The following COG6 variants were observed in gnomAD, a reference collection of about 807,000 sequenced individuals.
COG6 encodes the protein component of oligomeric golgi complex 6.
COG6 carries 74 observed loss-of-function variants against 88.8 expected under a neutral mutation model. That is an observed-to-expected ratio of 0.83 (90% CI 0.69 to 1.01). COG6 has a LOEUF of 1.01. Ranked by LOEUF, COG6 falls within the 50% of genes least tolerant of loss-of-function variation. The probability of loss-of-function intolerance (pLI) is 0.00; values close to 1 mark genes in which losing one functional copy is unlikely to be tolerated. For synonymous variants in COG6, 286 were observed against 278.7 expected, an observed-to-expected ratio of 1.03 and a Z score of -0.26; for missense variants, 800 against 797.9, an observed-to-expected ratio of 1.00 and a Z score of -0.03.
chr13:39,719,836 T>G lies in COG6; in HGVS notation c.1584+9T>G. 6.3e-7 allele frequency: 1 copy of G among 1,599,178 alleles called. No individual in the cohort carries two copies. The highest frequency in any genetic ancestry group is 8.6e-7 in the Non-Finnish European group (1 of 1,167,920). On this transcript the variant is annotated intron_variant, in intron 15 of 18. Transcript: ENST00000455146. ...AAATGCTACAGTTTCAGGTAAATTT[T>G]TCTATAAAATGACTATTGACTATGA...
chr13:39,660,547 A>T (rs1265023939), intron 2 of COG6, among the ~76,000 whole-genome samples: 5 of 152,192 alleles, frequency 3.3e-5, no homozygotes, highest in Non-Finnish European at 7.4e-5. Flanking sequence ...AACACTAGCA[A>T]TAAAGGGATA....
intron 18 of COG6, among the ~76,000 whole-genome samples, chr13:39,778,143 A>T (rs913870022): frequency 6.6e-6 from 1 of 152,258 alleles, no homozygotes; most frequent in Non-Finnish European, 1.5e-5. Flanking sequence ...TTTATAAAAA[A>T]TAGTTAATAC....
intron 11 of COG6, 95 bp downstream of exon 11, chr13:39,689,919 A>G: frequency 1.3e-6 from 1 of 761,062 alleles, no homozygotes; most frequent in Non-Finnish European, 2.2e-6. Context: ...GCTCAAATAC[A>G]ATCTATAATT....
intron 17 of COG6, among the ~76,000 whole-genome samples, chr13:39,725,402 A>G (rs1879079635): frequency 6.6e-6 from 1 of 151,930 alleles, no homozygotes; most frequent in South Asian, 2.1e-4. Flanking sequence ...ACTCACGTAT[A>G]CTCACTACCA....
intron 18 of COG6, among the ~76,000 whole-genome samples, chr13:39,742,748 G>C (rs1880117582): frequency 6.6e-6 from 1 of 152,168 alleles, no homozygotes; most frequent in Non-Finnish European, 1.5e-5. Context: ...TCTACAGCAA[G>C]CAGACCTAAT....
At chr13:39,678,587 A>C (rs74625912) in intron 5 of COG6, among the ~76,000 whole-genome samples, 9,408 of 152,126 alleles carry the variant, frequency 0.062, 386 homozygotes, top group Non-Finnish European at 0.095. Flanking sequence ...TTTTCCTTGA[A>C]GACATTCAAT....
At chr13:39,678,364 G>C (rs1876102521) in intron 5 of COG6, among the ~76,000 whole-genome samples, 1 of 152,132 alleles carries the variant, frequency 6.6e-6, no homozygotes, top group African/African-American at 2.4e-5. Context: ...CTGAGCCATA[G>C]TACCTACCCA....
At chr13:39,694,985 A>ACACT (rs1225271742) in intron 12 of COG6, among the ~76,000 whole-genome samples, 2 of 149,304 alleles carry the variant, frequency 1.3e-5, no homozygotes, top group Non-Finnish European at 3.0e-5. Context: ...ACACACACAC[A>ACACT]CACACCCCTT....
chr13:39,666,407 A>G (rs1401178681), intron 4 of COG6, among the ~76,000 whole-genome samples: 1 of 152,188 alleles, frequency 6.6e-6, no homozygotes, highest in Non-Finnish European at 1.5e-5. Context: ...TCTCTAAAAA[A>G]TAAATAAGTA....
At position 39,699,714 on chromosome 13, in the gene COG6, A is replaced by G. The variant is rs1877469595; in HGVS notation, c.1284+96A>G. The G allele has an allele frequency of 2.0e-5, 14 of 715,588 alleles. No homozygotes were observed. The South Asian group carries it at 2.0e-4, about 10-fold the overall frequency. 44.3% of individuals were successfully genotyped at this position (715,588 alleles called of 1,614,324 possible). A position where few individuals can be genotyped will look rare whatever the true frequency, so the allele number is the denominator to read the frequency against. ...ATTGATTGATAACTTTTCCCATTAC[A>G]TTCTGTGTTCTTTTGAGTTCTTCCT... On this transcript the variant is annotated intron_variant, in intron 13 of 18. Coordinates refer to ENST00000455146, the MANE Select transcript of COG6 (RefSeq NM_020751.3).
chr13:39,682,314 A>C (rs1365969142), intron 8 of COG6, 50 bp downstream of exon 8: 1 of 1,060,482 alleles, frequency 9.4e-7, no homozygotes, highest in Admixed American at 1.7e-5. Flanking sequence ...TTCTTTTGAT[A>C]TCTTACTTTA....
rs1236911728 is a variant in COG6, at chr13:39,660,679, T to C, written c.298-131T>C. ...CTTTTTAATCATTTCCAATTTTAAATATGGGATCTCTTGTCATGCCTTGAC... is the reference window on the plus strand; with the variant it reads ...CTTTTTAATCATTTCCAATTTTAAACATGGGATCTCTTGTCATGCCTTGAC... On this transcript the variant is annotated intron_variant, in intron 2 of 18. Transcript: ENST00000455146. 1.1e-5 allele frequency: 7 copies of C among 653,470 alleles called. No homozygotes were observed. The East Asian group carries it at 1.6e-4, about 15-fold the overall frequency. 40.5% of individuals were successfully genotyped at this position (653,470 alleles called of 1,614,324 possible). A position where few individuals can be genotyped will look rare whatever the true frequency, so the allele number is the denominator to read the frequency against.
At chr13:39,672,176 G>A (rs1180794038) in intron 4 of COG6, among the ~76,000 whole-genome samples, 1 of 151,962 alleles carries the variant, frequency 6.6e-6, no homozygotes, top group Non-Finnish European at 1.5e-5. Flanking sequence ...TATCAAGCTG[G>A]AAGAATGTAT....
At chr13:39,719,103 A>G in intron 13 of COG6, 133 bp from the exon 14 acceptor site, 1 of 829,060 alleles carries the variant, frequency 1.2e-6, no homozygotes, top group Non-Finnish European at 2.0e-6. Flanking sequence ...TAAGCTATTG[A>G]TAAATTATAG....
At chr13:39,675,227 T>C (rs1875899394) in intron 4 of COG6, among the ~76,000 whole-genome samples, 1 of 152,168 alleles carries the variant, frequency 6.6e-6, no homozygotes, top group Non-Finnish European at 1.5e-5. Context: ...AAAAGTTCCA[T>C]ATGTTGATGT....
intron 18 of COG6, among the ~76,000 whole-genome samples, chr13:39,743,178 A>G (rs1593467174): frequency 6.6e-6 from 1 of 152,346 alleles, no homozygotes; most frequent in Non-Finnish European, 1.5e-5. Flanking sequence ...ACACCCTAAC[A>G]TCACAATTAA....
chr13:39,719,293 T>A lies in COG6; in HGVS notation c.1342T>A (p.Leu448Met). The change falls in exon 14 of 19, where the codon TTG (leucine) becomes ATG (methionine). Residue 448 changes from leucine to methionine, a missense_variant. By Grantham distance (15) the Leu-to-Met change is conservative. Coordinates refer to ENST00000455146, the MANE Select transcript of COG6 (RefSeq NM_020751.3). Reference protein sequence around the residue: ...PSSALNQTLMLLREVLASHDS... With the variant: ...PSSALNQTLMMLREVLASHDS... Reference sequence around the variant, plus strand: ...TTCTGCACTAAATCAGACACTCATGTTGCTGCGTGAAGTTTTAGCATCTCA... The same window carrying A: ...TTCTGCACTAAATCAGACACTCATGATGCTGCGTGAAGTTTTAGCATCTCA... The A allele has an allele frequency of 6.2e-7, 1 of 1,612,874 alleles. No individual in the cohort carries two copies.
intron 18 of COG6, among the ~76,000 whole-genome samples, chr13:39,735,784 T>C (rs1420425966): frequency 2.0e-5 from 3 of 151,318 alleles, no homozygotes; most frequent in African/African-American, 7.3e-5. Context: ...CTGGATATGG[T>C]ATTCTAGGAT....
At chr13:39,664,991 T>G in intron 3 of COG6, 105 bp from the exon 4 acceptor site, 1 of 696,214 alleles carries the variant, frequency 1.4e-6, no homozygotes, top group Non-Finnish European at 2.6e-6. Context: ...TTCCATAGAG[T>G]GATCTCATTT....
Sources: gnomAD v4.1 joint callset for allele counts (sites outside exome capture counted in the v4.1 genomes callset) on GRCh38, gnomAD v4.1.1 for gene constraint, MANE v1.5 for transcripts, NCBI Gene and HGNC (gene_info 2026-07-23, HGNC 2026-07-21) for gene names.